The following MYCBP variants were observed in gnomAD, a reference collection of about 807,000 sequenced individuals.
MYCBP encodes C-Myc-binding protein.
Under a neutral mutation model 16.8 loss-of-function variants are expected in MYCBP, and 5 were observed. The ratio of observed to expected loss-of-function variants is 0.30; its 90% confidence interval spans 0.16 to 0.63. The LOEUF (loss-of-function observed/expected upper bound fraction) is 0.63. Among genes scored for constraint, MYCBP ranks in the 20% least tolerant of loss-of-function variants. The pLI is 0.83. For synonymous variants in MYCBP, 35 were observed against 43.7 expected (o/e 0.80, Z 0.79); for missense variants, 103 against 121.8 (o/e 0.85, Z 0.73).
intron 2 of MYCBP, among the ~76,000 whole-genome samples, chr1:38,872,766 G>A (rs1236983523): frequency 6.6e-6 from 1 of 152,254 alleles, no homozygotes; most frequent in Non-Finnish European, 1.5e-5. Context: ...CAAAGCAACG[G>A]AAGTTGAAGA....
intron 2 of MYCBP, among the ~76,000 whole-genome samples, chr1:38,870,027 G>C (rs536483046): frequency 6.6e-6 from 1 of 151,738 alleles, no homozygotes; most frequent in Non-Finnish European, 1.5e-5. Flanking sequence ...AAAATTAGCC[G>C]GGCATGGTGG....
At position 38,869,680 on chromosome 1, in the gene MYCBP, T is replaced by C. The variant is rs12069566; in HGVS notation, c.89-2070A>G. Among the ~76,000 whole-genome samples the C allele has an allele frequency of 1.9e-3, 282 of 152,296 alleles. 2 individuals carry two copies. The highest frequency in any genetic ancestry group is 6.2e-3 in the African/African-American group (259 of 41,552). On this transcript the variant is annotated intron_variant, in intron 2 of 4. Coordinates refer to ENST00000397572, the MANE Select transcript of MYCBP (RefSeq NM_012333.5). The stretch of plus-strand genomic sequence containing the variant: ...TAAAATGCTTCAGCTTCCAAATGAT[T>C]TATCATCTTTAGCCATCCTTTCATA...
chr1:38,867,127 G>A, intron 3 of MYCBP, 118 bp from the exon 4 acceptor site: 2 of 989,534 alleles, frequency 2.0e-6, no homozygotes, highest in African/African-American at 1.6e-5. Flanking sequence ...TCTACCCAGA[G>A]ATCACCATCC....
chr1:38,865,122 A>T (rs1039837991), intron 4 of MYCBP, among the ~76,000 whole-genome samples: 1 of 152,244 alleles, frequency 6.6e-6, no homozygotes, highest in African/African-American at 2.4e-5. Flanking sequence ...GCCAATAAAC[A>T]ACTACTAATG....
intron 2 of MYCBP, among the ~76,000 whole-genome samples, chr1:38,869,382 C>T (rs534308769): frequency 2.0e-5 from 3 of 152,298 alleles, no homozygotes; most frequent in African/African-American, 7.2e-5. Context: ...GCCACCACAC[C>T]TGGCCAAATC....
chr1:38,873,328 C>G lies in MYCBP; in HGVS notation c.-23G>C. 1 of 1,599,494 alleles carries G rather than the reference C, an allele frequency of 6.3e-7. No individual in the cohort carries two copies. The highest frequency in any genetic ancestry group is 8.5e-7 in the Non-Finnish European group (1 of 1,178,030). On this transcript the variant is annotated 5_prime_UTR_variant, in exon 1 of 5. Transcript: ENST00000397572. Reference sequence around the variant, plus strand: ...CATAGTGACAGCGGCAGCGGCGTAGCTGGCGCCGGAGACCGCGACTGGCGG... The same window carrying G: ...CATAGTGACAGCGGCAGCGGCGTAGGTGGCGCCGGAGACCGCGACTGGCGG...
chr1:38,867,613 G>A lies in MYCBP; in HGVS notation c.89-3C>T, dbSNP rs1275128172. On this transcript the variant is annotated splice_polypyrimidine_tract_variant and splice_region_variant and intron_variant, in intron 2 of 4. Coordinates refer to ENST00000397572, the MANE Select transcript of MYCBP (RefSeq NM_012333.5). ...TTCTTCATATAAGGCTACCAACACT[G>A]CAAATCAAAAAGCAGAAAAAGCAAC... 1.9e-6 allele frequency: 3 copies of A among 1,613,058 alleles called. No homozygotes were observed. The highest frequency in any genetic ancestry group is 2.5e-6 in the Non-Finnish European group (3 of 1,179,560).
chr1:38,864,328 C>A lies in MYCBP; in HGVS notation c.*342G>T, dbSNP rs545675392. 3 of 325,250 alleles carry A rather than the reference C, an allele frequency of 9.2e-6. No homozygotes were observed. Among genetic ancestry groups the A allele is most frequent in the South Asian group, 8.9e-5 (3 of 33,544 alleles). The allele number at this position is 325,250 out of a possible 1,614,324, so 20.1% of individuals were successfully genotyped here. On this transcript the variant is annotated 3_prime_UTR_variant, in exon 5 of 5. Coordinates refer to ENST00000397572, the MANE Select transcript of MYCBP (RefSeq NM_012333.5). ...ACTGTACCTGTGTTCATATCCTGAA[C>A]TGCACCAAGGAATAGCTCCATGCTA...
intron 2 of MYCBP, among the ~76,000 whole-genome samples, chr1:38,869,279 G>A (rs1404447644): frequency 2.0e-5 from 3 of 151,848 alleles, no homozygotes; most frequent in African/African-American, 4.8e-5. Flanking sequence ...GTAGAGACGG[G>A]GTTTCTCTGT....
At chr1:38,870,518 G>A (rs550061012) in intron 2 of MYCBP, among the ~76,000 whole-genome samples, 1 of 151,974 alleles carries the variant, frequency 6.6e-6, no homozygotes, top group African/African-American at 2.4e-5. Context: ...TAGAGGCCGG[G>A]CGCGGTGGCT....
chr1:38,865,542 C>T (rs141665592), intron 4 of MYCBP, among the ~76,000 whole-genome samples: 281 of 152,266 alleles, frequency 1.8e-3, no homozygotes, highest in African/African-American at 5.6e-3. Flanking sequence ...GTGGCTCATG[C>T]CTATAATCCC....
intron 2 of MYCBP, among the ~76,000 whole-genome samples, chr1:38,872,042 A>G (rs548912023): frequency 6.6e-6 from 1 of 152,348 alleles, no homozygotes; most frequent in African/African-American, 2.4e-5. Context: ...GTAAACTATT[A>G]TCTGAACCCC....
intron 2 of MYCBP, among the ~76,000 whole-genome samples, chr1:38,872,354 C>T (rs1642482394): frequency 6.6e-6 from 1 of 152,232 alleles, no homozygotes; most frequent in Admixed American, 6.5e-5. Flanking sequence ...CTTTACTCAT[C>T]TACTTAACTT....
intron 2 of MYCBP, among the ~76,000 whole-genome samples, 194 bp downstream of exon 2, chr1:38,872,824 A>G (rs1264484616): frequency 6.6e-6 from 1 of 152,254 alleles, no homozygotes; most frequent in Non-Finnish European, 1.5e-5. Flanking sequence ...GGAGAAGGGT[A>G]GCGGAGCTAG....
At chr1:38,872,897 TG>T in intron 2 of MYCBP, 120 bp downstream of exon 2, 1 of 1,203,938 alleles carries the variant, frequency 8.3e-7, no homozygotes, top group Non-Finnish European at 1.2e-6. Context: ...CCCACCTCGC[TG>T]GACCCCGGAC....
At position 38,864,428 on chromosome 1, in the gene MYCBP, T is replaced by G; in HGVS notation, c.*242A>C. The G allele has an allele frequency of 2.3e-5, 12 of 531,940 alleles. No homozygotes were observed. Among genetic ancestry groups the G allele is most frequent in the Middle Eastern group, 5.2e-4 (1 of 1,916 alleles). The allele number at this position is 531,940 out of a possible 1,614,324, so 33.0% of individuals were successfully genotyped here. ...ATAAACAGAATGTCTTTTAAGGTAATGAGTTAGATGGCTGTGTTTAGGTTT... is the reference window on the plus strand; with the variant it reads ...ATAAACAGAATGTCTTTTAAGGTAAGGAGTTAGATGGCTGTGTTTAGGTTT... On this transcript the variant is annotated 3_prime_UTR_variant, in exon 5 of 5. Transcript: ENST00000397572.
chr1:38,866,052 T>TTTTTTTTTC (rs1300021956), intron 4 of MYCBP, among the ~76,000 whole-genome samples: 1 of 133,268 alleles, frequency 7.5e-6, no homozygotes, highest in East Asian at 2.1e-4. Context: ...CTCTTTTTTT[T>TTTTTTTTTC]TTTTTTTTTT....
At chr1:38,871,971 C>T (rs528739088) in intron 2 of MYCBP, among the ~76,000 whole-genome samples, 1 of 152,314 alleles carries the variant, frequency 6.6e-6, no homozygotes, top group South Asian at 2.1e-4. Flanking sequence ...TCAGAGACAA[C>T]ATAGCACAGT....
At position 38,868,321 on chromosome 1, in the gene MYCBP, G is replaced by A. The variant is rs541957082; in HGVS notation, c.89-711C>T. On this transcript the variant is annotated intron_variant, in intron 2 of 4. Coordinates refer to ENST00000397572, the MANE Select transcript of MYCBP (RefSeq NM_012333.5). ...AATCAACAGGACTATGGTAATTACC[G>A]GAAGAAGCTCTGAATTCAAAAATGG... 9.2e-5 allele frequency among the ~76,000 whole-genome samples: 14 copies of A among 152,332 alleles called. No homozygotes were observed. The East Asian group carries it at 1.9e-3, about 21-fold the overall frequency.
Sources: gnomAD v4.1 joint callset for allele counts (sites outside exome capture counted in the v4.1 genomes callset) on GRCh38, gnomAD v4.1.1 for gene constraint, MANE v1.5 for transcripts, NCBI Gene and HGNC (gene_info 2026-07-23, HGNC 2026-07-21) for gene names.